The following PDZD8 variants were observed in gnomAD, a reference collection of about 807,000 sequenced individuals.
PDZD8 encodes the protein PDZ domain-containing protein 8.
Under a neutral mutation model 85.8 loss-of-function variants are expected in PDZD8, and 14 were observed. That is an observed-to-expected ratio of 0.16 (90% CI 0.11 to 0.26). PDZD8 has a LOEUF of 0.26. PDZD8 is among the 10% of genes least tolerant of loss of function. The pLI, the probability that PDZD8 is intolerant of heterozygous loss-of-function variation, is 1.00. For synonymous variants in PDZD8, 592 were observed against 568.6 expected (o/e 1.04, Z -0.59); for missense variants, 1,197 against 1,424.3 (o/e 0.84, Z 2.57).
At position 117,282,797 on chromosome 10, in the gene PDZD8, G is replaced by C. The variant is rs988025896; in HGVS notation, c.*471C>G. 3.3e-5 allele frequency: 5 copies of C among 152,886 alleles called. No individual in the cohort carries two copies. Among genetic ancestry groups the C allele is most frequent in the African/African-American group, 9.7e-5 (4 of 41,362 alleles). The allele number at this position is 152,886 out of a possible 1,614,324, so 9.5% of individuals were successfully genotyped here. A position where few individuals can be genotyped will look rare whatever the true frequency, so the allele number is the denominator to read the frequency against. ...AGACGATAAACTTCATAACACAAAA[G>C]AAAGATTCAAAACCTGTTCCCTCAG... is the stretch of plus-strand genomic sequence containing the variant. On this transcript the variant is annotated 3_prime_UTR_variant, in exon 5 of 5. Coordinates refer to ENST00000334464, the MANE Select transcript of PDZD8 (RefSeq NM_173791.5).
intron 1 of PDZD8, among the ~76,000 whole-genome samples, chr10:117,371,364 T>C (rs530190469): frequency 2.1e-4 from 32 of 152,238 alleles, no homozygotes; most frequent in South Asian, 1.2e-3. Flanking sequence ...TTTGCATTTT[T>C]ACTAGAGACG....
At chr10:117,298,959 T>C (rs912248654) in intron 3 of PDZD8, among the ~76,000 whole-genome samples, 1 of 152,052 alleles carries the variant, frequency 6.6e-6, no homozygotes, top group Non-Finnish European at 1.5e-5. Context: ...ACATACGCAA[T>C]GAGGCATATA....
At chr10:117,324,232 A>AAAAAAC (rs1278760915) in intron 2 of PDZD8, among the ~76,000 whole-genome samples, 3 of 146,096 alleles carry the variant, frequency 2.1e-5, no homozygotes, top group African/African-American at 8.1e-5. Flanking sequence ...AAAAAAAAAA[A>AAAAAAC]AAGACAAGAG....
Position 117,375,127 on chromosome 10 carries a change from G to A in PDZD8, c.101C>T (p.Pro34Leu). 3.8e-6 allele frequency: 6 copies of A among 1,591,094 alleles called. No individual in the cohort carries two copies. Among genetic ancestry groups the A allele is most frequent in the East Asian group, 2.3e-5 (1 of 44,126 alleles). Reference sequence around the variant, plus strand: ...GCCCGCGCGGGCGGCCTCGTCCGCCGGCGGCTCGGGCTGTCTGCGGTACAG... The same window carrying A: ...GCCCGCGCGGGCGGCCTCGTCCGCCAGCGGCTCGGGCTGTCTGCGGTACAG... ...FLLYRRQPEP[P>L]ADEAARAGEG... The change falls in exon 1 of 5, where the codon CCG becomes CTG. Residue 34 changes from proline to leucine, a missense_variant. By Grantham distance (98) the Pro-to-Leu change is moderately conservative (BLOSUM62 -3). Transcript: ENST00000334464.
At chr10:117,339,283 T>G (rs1844569793) in intron 2 of PDZD8, among the ~76,000 whole-genome samples, 1 of 152,334 alleles carries the variant, frequency 6.6e-6, no homozygotes, top group South Asian at 2.1e-4. Flanking sequence ...AAAAGTCATA[T>G]GTACCAAGTA....
In PDZD8 at chr10:117,280,306, T is replaced by C. The variant is rs1844559581; in HGVS notation, c.*2962A>G. The C allele has an allele frequency of 6.6e-6, 1 of 152,166 alleles. No homozygotes were observed. Among genetic ancestry groups the C allele is most frequent in the Admixed American group, 6.5e-5 (1 of 15,284 alleles). 9.4% of individuals were successfully genotyped at this position (152,166 alleles called of 1,614,324 possible). On this transcript the variant is annotated 3_prime_UTR_variant, in exon 5 of 5. Transcript: ENST00000334464. ...CTAATACATAGCCAAAGGAAACCCA[T>C]AAACTTGATAATCCATAAGGAAACA...
At chr10:117,366,703 C>T (rs1425922388) in intron 1 of PDZD8, among the ~76,000 whole-genome samples, 1 of 151,994 alleles carries the variant, frequency 6.6e-6, no homozygotes, top group African/African-American at 2.4e-5. Context: ...GTTTGCAGAC[C>T]CCTGATTTAG....
At chr10:117,345,480 G>GT (rs919082362) in intron 1 of PDZD8, among the ~76,000 whole-genome samples, 2 of 152,044 alleles carry the variant, frequency 1.3e-5, no homozygotes, top group African/African-American at 4.8e-5. Context: ...GTTAACACTA[G>GT]TGGGGGGGTA....
intron 3 of PDZD8, among the ~76,000 whole-genome samples, chr10:117,291,347 G>T (rs1009817982): frequency 1.2e-4 from 18 of 151,702 alleles, no homozygotes; most frequent in Non-Finnish European, 2.7e-4. Context: ...TGGCTAACAC[G>T]GTGAAACCCC....
intron 1 of PDZD8, among the ~76,000 whole-genome samples, chr10:117,373,662 C>T (rs1032013444): frequency 2.0e-5 from 3 of 151,146 alleles, no homozygotes; most frequent in Non-Finnish European, 4.4e-5. Flanking sequence ...CGCCTGTAAC[C>T]CCAGCTACCT....
At chr10:117,314,733 A>C (rs1243745427) in intron 3 of PDZD8, among the ~76,000 whole-genome samples, 1 of 152,234 alleles carries the variant, frequency 6.6e-6, no homozygotes, top group African/African-American at 2.4e-5. Context: ...CAAGGGCAAA[A>C]GCTTCTTTTA....
At chr10:117,352,480 A>G (rs1236116021) in intron 1 of PDZD8, among the ~76,000 whole-genome samples, 2 of 152,228 alleles carry the variant, frequency 1.3e-5, no homozygotes, top group Non-Finnish European at 2.9e-5. Context: ...AAAGAACACA[A>G]AAAAGAAGAC....
Position 117,284,952 on chromosome 10 carries a change from C to A in PDZD8, c.1781G>T (p.Arg594Leu), listed in dbSNP as rs769632595. 5 of 1,614,066 alleles carry A rather than the reference C, an allele frequency of 3.1e-6. No homozygotes were observed. Among genetic ancestry groups the A allele is most frequent in the East Asian group, 2.2e-5 (1 of 44,876 alleles). ...GSAFKPPVPP[R>L]PQAKVPLPSA... Reference sequence around the variant, plus strand: ...AGGCAAAGGAACTTTCGCTTGTGGTCGTGGTGGCACAGGTGGTTTGAAAGC... The same window carrying A: ...AGGCAAAGGAACTTTCGCTTGTGGTAGTGGTGGCACAGGTGGTTTGAAAGC... Residue 594 changes from arginine (R) to leucine (L), a missense_variant, in exon 5 of 5, where the codon CGA becomes CTA. By Grantham distance (102) the Arg-to-Leu change is moderately radical. Around this residue, in one of 4 missense-constraint regions of PDZD8, gnomAD observed 263 missense variants for 261.9 expected, o/e 1.00. Coordinates refer to ENST00000334464, the MANE Select transcript of PDZD8 (RefSeq NM_173791.5).
At chr10:117,366,966 G>T (rs1845101720) in intron 1 of PDZD8, among the ~76,000 whole-genome samples, 2 of 152,168 alleles carry the variant, frequency 1.3e-5, no homozygotes, top group East Asian at 3.8e-4. Flanking sequence ...TCATATGATA[G>T]ATTGTTAGTA....
intron 1 of PDZD8, among the ~76,000 whole-genome samples, chr10:117,373,937 AG>A (rs1845241146): frequency 1.3e-5 from 2 of 152,212 alleles, no homozygotes; most frequent in Non-Finnish European, 2.9e-5. Flanking sequence ...TACTGTGTCC[AG>A]GAACAATTTC....
At chr10:117,357,566 G>T (rs1022074864) in intron 1 of PDZD8, among the ~76,000 whole-genome samples, 1 of 151,666 alleles carries the variant, frequency 6.6e-6, no homozygotes, top group East Asian at 1.9e-4. Context: ...AGGAGTTTGA[G>T]AACAGCCTGG....
At chr10:117,317,750 T>G (rs1269387674) in intron 3 of PDZD8, among the ~76,000 whole-genome samples, 4 of 152,188 alleles carry the variant, frequency 2.6e-5, no homozygotes, top group African/African-American at 4.8e-5. Context: ...TTCAAATTGT[T>G]TGAGATATAA....
chr10:117,300,302 G>A (rs954136051), intron 3 of PDZD8, among the ~76,000 whole-genome samples: 4 of 152,048 alleles, frequency 2.6e-5, no homozygotes, highest in African/African-American at 9.7e-5. Flanking sequence ...TCCTAAATAA[G>A]CAGGAGTAGA....
At chr10:117,313,038 GT>G (rs1383079507) in intron 3 of PDZD8, among the ~76,000 whole-genome samples, 1 of 152,172 alleles carries the variant, frequency 6.6e-6, no homozygotes, top group African/African-American at 2.4e-5. Flanking sequence ...ATATTTTAAA[GT>G]GTAGTTTGGA....
Sources: gnomAD v4.1 joint callset for allele counts (sites outside exome capture counted in the v4.1 genomes callset) on GRCh38, gnomAD v4.1.1 for gene constraint, gnomAD v4.1.1 regional missense constraint, MANE v1.5 for transcripts, NCBI Gene and HGNC (gene_info 2026-07-23, HGNC 2026-07-21) for gene names.